ASH2L: variants seen among roughly 807,000 people sequenced by gnomAD.
The protein encoded by ASH2L is ASH2 like, histone lysine methyltransferase complex subunit.
ASH2L carries 30 observed loss-of-function variants against 81.1 expected under a neutral mutation model. The observed-to-expected ratio is 0.37, with a 90% confidence interval of 0.28 to 0.50. The LOEUF (loss-of-function observed/expected upper bound fraction) is 0.50. ASH2L is among the 20% of genes least tolerant of loss of function. The probability of loss-of-function intolerance (pLI) is 0.95; values close to 1 mark genes in which losing one functional copy is unlikely to be tolerated. For missense variants in ASH2L, 559 were observed against 792.1 expected (o/e 0.71, Z 3.53); for synonymous variants, 273 against 279.9 (o/e 0.98, Z 0.24).
intron 2 of ASH2L, 62 bp downstream of exon 2, chr8:38,106,506 CTTTTTT>C: frequency 1.3e-5 from 13 of 966,492 alleles, no homozygotes; most frequent in South Asian, 3.3e-5. Context: ...TCTTCTTCTT[CTTTTTT>C]TTTTTTTTTT....
Position 38,105,563 on chromosome 8 carries a change from G to C in ASH2L, c.13G>C (p.Gly5Arg), listed in dbSNP as rs193080501. 16,218 of 1,573,064 alleles carry C rather than the reference G, an allele frequency of 0.01. 98 individuals carry two copies. Among genetic ancestry groups the C allele is most frequent in the Non-Finnish European group, 0.012 (14,114 of 1,158,172 alleles). ...AGGGGTGGCCGTGATGGCGGCGGCA[G>C]GAGCAGGACCTGGCCAGGAAGCGGG... MAAA[G>R]AGPGQEAGAG... is the part of the protein sequence containing the mutation. Residue 5 changes from glycine to arginine, a missense_variant, in exon 1 of 16, where the codon GGA becomes CGA. This residue lies in a region of ASH2L where 145 missense variants were observed against 115.5 expected (regional missense o/e 1.26). Transcript: ENST00000343823.
intron 12 of ASH2L, among the ~76,000 whole-genome samples, chr8:38,132,805 A>G (rs1295967578): frequency 1.3e-5 from 2 of 150,438 alleles, no homozygotes; most frequent in Non-Finnish European, 3.0e-5. Flanking sequence ...TCAAAAAAAA[A>G]AAAAGAATAG....
chr8:38,139,228 G>T lies in ASH2L; in HGVS notation c.*157G>T. Reference sequence around the variant, plus strand: ...TGGGTAGGACTGCGGGAGACTGCCTGCCTTTCACCATTTTCTCCCCACTTC... The same window carrying T: ...TGGGTAGGACTGCGGGAGACTGCCTTCCTTTCACCATTTTCTCCCCACTTC... On this transcript the variant is annotated 3_prime_UTR_variant, in exon 16 of 16. Coordinates refer to ENST00000343823, the MANE Select transcript of ASH2L (RefSeq NM_004674.5). 1 of 588,066 alleles carries T rather than the reference G, an allele frequency of 1.7e-6. No homozygotes were observed. The highest frequency in any genetic ancestry group is 2.6e-5 in the South Asian group (1 of 38,774). 36.4% of individuals were successfully genotyped at this position (588,066 alleles called of 1,614,324 possible). A position where few individuals can be genotyped will look rare whatever the true frequency, so the allele number is the denominator to read the frequency against.
rs150275463 is a variant in ASH2L, at chr8:38,114,142, G to T, written c.586-50G>T. The T allele has an allele frequency of 1.0e-4, 113 of 1,092,748 alleles. 1 individual carries two copies. The African/African-American group carries it at 1.8e-3, about 17-fold the overall frequency. The allele number at this position is 1,092,748 out of a possible 1,614,324, so 67.7% of individuals were successfully genotyped here. A position where few individuals can be genotyped will look rare whatever the true frequency, so the allele number is the denominator to read the frequency against. On this transcript the variant is annotated intron_variant, in intron 5 of 15. Transcript: ENST00000343823. ...AAAATGCTGTTTTCTTTCTTTGTCA[G>T]CATATCTTTGATTGCAGCAGTAATA...
intron 8 of ASH2L, 97 bp downstream of exon 8, chr8:38,116,822 A>C (rs1480282572): frequency 1.0e-6 from 1 of 992,168 alleles, no homozygotes; most frequent in Non-Finnish European, 1.5e-6. Flanking sequence ...CTTAACCTGG[A>C]TACTTACTAA....
chr8:38,133,440 T>C lies in ASH2L; in HGVS notation c.1528-14T>C. On this transcript the variant is annotated splice_polypyrimidine_tract_variant and intron_variant, in intron 12 of 15. Coordinates refer to ENST00000343823, the MANE Select transcript of ASH2L (RefSeq NM_004674.5). Reference sequence around the variant, plus strand: ...ATGCTTTATTGTGCCTTTTTTTCTTTCTTGGTTTTCAAGGCTTTGATAAAA... The same window carrying C: ...ATGCTTTATTGTGCCTTTTTTTCTTCCTTGGTTTTCAAGGCTTTGATAAAA... 1.9e-6 allele frequency: 3 copies of C among 1,587,558 alleles called. No individual in the cohort carries two copies. Among genetic ancestry groups the C allele is most frequent in the Non-Finnish European group, 2.6e-6 (3 of 1,167,432 alleles).
At chr8:38,134,192 C>T (rs925315769) in intron 13 of ASH2L, among the ~76,000 whole-genome samples, 4 of 152,094 alleles carry the variant, frequency 2.6e-5, no homozygotes, top group Non-Finnish European at 5.9e-5. Context: ...TGCGGAAGGC[C>T]GCAGGGTCCT....
At chr8:38,106,507 T>TTC (rs1491060328) in intron 2 of ASH2L, 63 bp downstream of exon 2, 396 of 215,406 alleles carry the variant, frequency 1.8e-3, no homozygotes, top group African/African-American at 9.1e-3. Flanking sequence ...CTTCTTCTTC[T>TTC]TTTTTTTTTT....
chr8:38,127,583 T>C (rs1378400701), intron 10 of ASH2L, among the ~76,000 whole-genome samples: 1 of 150,536 alleles, frequency 6.6e-6, no homozygotes, highest in African/African-American at 2.4e-5. Context: ...CCGTCTGTAC[T>C]AAAAATACGA....
At chr8:38,134,741 T>G (rs976013375) in intron 13 of ASH2L, among the ~76,000 whole-genome samples, 4 of 152,110 alleles carry the variant, frequency 2.6e-5, no homozygotes, top group African/African-American at 9.7e-5. Flanking sequence ...GAAACGAGTT[T>G]CAGCTGTTTT....
intron 5 of ASH2L, among the ~76,000 whole-genome samples, chr8:38,112,965 ATT>A (rs774833526): frequency 3.5e-5 from 5 of 143,770 alleles, no homozygotes; most frequent in Admixed American, 7.0e-5. Context: ...CATTGTTGGA[ATT>A]TTTTTTTTTT....
chr8:38,107,957 C>G (rs892106901), intron 3 of ASH2L, among the ~76,000 whole-genome samples: 1 of 149,948 alleles, frequency 6.7e-6, no homozygotes, highest in Non-Finnish European at 1.5e-5. Flanking sequence ...TTTCTTGCGA[C>G]TGGGTCTCGC....
chr8:38,130,288 G>GTTTTTTTTTT (rs562730116), intron 12 of ASH2L, among the ~76,000 whole-genome samples: 41 of 53,670 alleles, frequency 7.6e-4, no homozygotes, highest in Non-Finnish European at 1.2e-3. Flanking sequence ...GGTATTTTTT[G>GTTTTTTTTTT]TTTTTTTTTT....
intron 10 of ASH2L, among the ~76,000 whole-genome samples, chr8:38,121,552 G>C (rs936898452): frequency 1.3e-5 from 2 of 151,874 alleles, no homozygotes; most frequent in Non-Finnish European, 2.9e-5. Flanking sequence ...ACTAGAGAAA[G>C]ACCTTTCAAT....
chr8:38,121,338 TA>T (rs368782320), intron 10 of ASH2L, among the ~76,000 whole-genome samples, 189 bp downstream of exon 10: 14,486 of 111,762 alleles, frequency 0.13, 755 homozygotes, highest in Non-Finnish European at 0.15. Context: ...TTTATTTATA[TA>T]TATATATATA....
intron 3 of ASH2L, among the ~76,000 whole-genome samples, chr8:38,107,586 C>T (rs1429402306): frequency 2.0e-5 from 3 of 152,060 alleles, no homozygotes; most frequent in Admixed American, 2.0e-4. Context: ...TTTCCTTTCT[C>T]ATTGCTGCTG....
At chr8:38,126,140 T>A (rs1801836087) in intron 10 of ASH2L, among the ~76,000 whole-genome samples, 2 of 151,704 alleles carry the variant, frequency 1.3e-5, no homozygotes, top group South Asian at 4.2e-4. Flanking sequence ...GAGCCAGAGG[T>A]TGCAGTGAGC....
intron 12 of ASH2L, among the ~76,000 whole-genome samples, chr8:38,130,148 C>T (rs778282864): frequency 3.4e-5 from 5 of 149,012 alleles, no homozygotes; most frequent in South Asian, 2.1e-4. Flanking sequence ...ATGTGCTTTT[C>T]GGCCACTCAT....
rs1810384400 is a variant in ASH2L, at chr8:38,105,619, T to C, written c.69T>C (p.Asn23=). The change falls in exon 1 of 16, where the codon AAT becomes AAC. Residue 23 remains asparagine, a synonymous_variant. Transcript: ENST00000343823. ...GGCCTGGCCCAGGAGCGGTCGCAAA[T>C]GCAACAGGGGCAGAAGAGGGGGAGA... ...GAGPGPGAVA[N]ATGAEEGEMK... The C allele has an allele frequency of 5.0e-6, 8 of 1,605,332 alleles. No individual in the cohort carries two copies. The highest frequency in any genetic ancestry group is 6.8e-6 in the Non-Finnish European group (8 of 1,176,866).
Sources: allele counts gnomAD v4.1 joint callset (sites outside exome capture counted in the v4.1 genomes callset), GRCh38; gene constraint gnomAD v4.1.1; regional missense constraint gnomAD v4.1.1; transcripts MANE v1.5; gene names NCBI Gene and HGNC (gene_info 2026-07-23, HGNC 2026-07-21).